NCK2: variants seen among roughly 807,000 people sequenced by gnomAD.
NCK2 encodes cytoplasmic protein NCK2.
In NCK2, 16 loss-of-function variants were observed where a neutral mutation model predicts 33.9. That is an observed-to-expected ratio of 0.47 (90% CI 0.32 to 0.72). The LOEUF is 0.72. Among genes scored for constraint, NCK2 ranks in the 30% least tolerant of loss-of-function variants. The pLI, the probability that NCK2 is intolerant of heterozygous loss-of-function variation, is 0.03. For missense variants in NCK2, 418 were observed against 537.3 expected (o/e 0.78, Z 2.19); for synonymous variants, 273 against 239.9 (o/e 1.14, Z -1.27).
At chr2:105,857,423 G>A (rs1001038415) in intron 3 of NCK2, among the ~76,000 whole-genome samples, 4 of 152,250 alleles carry the variant, frequency 2.6e-5, no homozygotes, top group Non-Finnish European at 5.9e-5. Context: ...GGCGAAAACA[G>A]ATTGTTAGAA....
chr2:105,775,030 T>A (rs1222300348), intron 1 of NCK2, among the ~76,000 whole-genome samples: 8 of 151,802 alleles, frequency 5.3e-5, no homozygotes, highest in Non-Finnish European at 1.2e-4. Context: ...ATAATAATAA[T>A]ATAATAATAA....
chr2:105,850,169 C>T (rs1241867564), intron 2 of NCK2, among the ~76,000 whole-genome samples: 3 of 152,166 alleles, frequency 2.0e-5, no homozygotes, highest in Non-Finnish European at 4.4e-5. Flanking sequence ...AGACCCTTAA[C>T]TCCTTTCTTC....
At chr2:105,871,012 G>A (rs1457306150) in intron 3 of NCK2, among the ~76,000 whole-genome samples, 8 of 152,172 alleles carry the variant, frequency 5.3e-5, no homozygotes, top group South Asian at 2.1e-4. Context: ...TCTGCTCATC[G>A]TGATCCTGGC....
intron 1 of NCK2, among the ~76,000 whole-genome samples, chr2:105,780,173 A>T (rs1413651492): frequency 6.6e-6 from 1 of 152,214 alleles, no homozygotes; most frequent in East Asian, 1.9e-4. Flanking sequence ...AGAATAATAA[A>T]TATTTATTGT....
intron 4 of NCK2, among the ~76,000 whole-genome samples, chr2:105,892,369 A>G (rs998087664): frequency 1.3e-5 from 2 of 152,238 alleles, no homozygotes; most frequent in Non-Finnish European, 2.9e-5. Context: ...AACACTGTAT[A>G]TTCCATAGTG....
chr2:105,748,185 A>C (rs1238624441), intron 1 of NCK2, among the ~76,000 whole-genome samples: 1 of 152,182 alleles, frequency 6.6e-6, no homozygotes, highest in African/African-American at 2.4e-5. Context: ...GTCCCTGACC[A>C]GCCTCTGTGT....
At chr2:105,763,965 A>G (rs569638372) in intron 1 of NCK2, among the ~76,000 whole-genome samples, 8 of 152,186 alleles carry the variant, frequency 5.3e-5, no homozygotes, top group African/African-American at 1.9e-4. Flanking sequence ...ATAATAGCTG[A>G]TATTTATTGA....
chr2:105,762,973 T>C (rs1381017044), intron 1 of NCK2, among the ~76,000 whole-genome samples: 2 of 152,152 alleles, frequency 1.3e-5, no homozygotes. Context: ...CGTAGGCGGA[T>C]TGCCTGAGCT....
chr2:105,840,318 AAC>A (rs1676595909), intron 2 of NCK2, among the ~76,000 whole-genome samples: 1 of 152,192 alleles, frequency 6.6e-6, no homozygotes, highest in African/African-American at 2.4e-5. Flanking sequence ...TCACCCCTGT[AAC>A]ACGTGGGACA....
chr2:105,788,175 TAA>T (rs1690747875), intron 1 of NCK2, among the ~76,000 whole-genome samples: 1 of 152,208 alleles, frequency 6.6e-6, no homozygotes, highest in African/African-American at 2.4e-5. Flanking sequence ...CAATTCTAGA[TAA>T]GTTTTTTCAT....
At chr2:105,836,791 G>C (rs1465362151) in intron 2 of NCK2, among the ~76,000 whole-genome samples, 1 of 152,142 alleles carries the variant, frequency 6.6e-6, no homozygotes, top group Non-Finnish European at 1.5e-5. Flanking sequence ...TGGAGATGCT[G>C]GGGCCCCTAG....
chr2:105,804,842 AGT>A (rs1282681300), intron 1 of NCK2, among the ~76,000 whole-genome samples: 1 of 152,224 alleles, frequency 6.6e-6, no homozygotes, highest in Non-Finnish European at 1.5e-5. Flanking sequence ...CTAGAGGCAC[AGT>A]GGTGTTAGGG....
chr2:105,837,771 T>C (rs1676488235), intron 2 of NCK2, among the ~76,000 whole-genome samples: 1 of 152,228 alleles, frequency 6.6e-6, no homozygotes, highest in African/African-American at 2.4e-5. Flanking sequence ...TATCAACCTT[T>C]TTCATTTTTA....
intron 1 of NCK2, among the ~76,000 whole-genome samples, chr2:105,802,112 C>T (rs1019832208): frequency 3.3e-5 from 5 of 152,148 alleles, no homozygotes; most frequent in Non-Finnish European, 5.9e-5. Flanking sequence ...GATTTGCAGA[C>T]GATGCATGGT....
At chr2:105,801,348 A>G (rs1445075310) in intron 1 of NCK2, among the ~76,000 whole-genome samples, 3 of 150,660 alleles carry the variant, frequency 2.0e-5, no homozygotes, top group Admixed American at 6.6e-5. Context: ...TGACCAGCTC[A>G]CTCGGCTTGC....
chr2:105,803,944 AC>A (rs2104452046), intron 1 of NCK2, among the ~76,000 whole-genome samples: 1 of 152,334 alleles, frequency 6.6e-6, no homozygotes, highest in African/African-American at 2.4e-5. Context: ...AGCTGAGGAT[AC>A]CATGTGCCTT....
chr2:105,757,038 C>T (rs925483711), intron 1 of NCK2, among the ~76,000 whole-genome samples: 5 of 152,116 alleles, frequency 3.3e-5, no homozygotes, highest in African/African-American at 9.7e-5. Context: ...CTCCTGACCT[C>T]GGGTGATCTG....
intron 1 of NCK2, among the ~76,000 whole-genome samples, chr2:105,812,531 T>C (rs1675326215): frequency 6.6e-6 from 1 of 152,228 alleles, no homozygotes; most frequent in African/African-American, 2.4e-5. Context: ...CTCCGTACTC[T>C]GAACGGGAGA....
At chr2:105,851,169 A>G (rs1677049630) in intron 2 of NCK2, among the ~76,000 whole-genome samples, 1 of 152,112 alleles carries the variant, frequency 6.6e-6, no homozygotes, top group South Asian at 2.1e-4. Context: ...GTATCAGTGC[A>G]TGGCCATAAC....
Sources: gnomAD v4.1 joint callset for allele counts (sites outside exome capture counted in the v4.1 genomes callset) on GRCh38, gnomAD v4.1.1 for gene constraint, MANE v1.5 for transcripts, NCBI Gene and HGNC (gene_info 2026-07-23, HGNC 2026-07-21) for gene names.